The following MACROD2 variants were observed in gnomAD, a reference collection of about 807,000 sequenced individuals.
MACROD2 encodes ADP-ribose glycohydrolase MACROD2.
In MACROD2, 36 loss-of-function variants were observed where a neutral mutation model predicts 70.4. The observed-to-expected ratio is 0.51, with a 90% CI of 0.39 to 0.68. The LOEUF (loss-of-function observed/expected upper bound fraction) is 0.68, where lower values mean the gene tolerates loss of function less well. Among genes scored for constraint, MACROD2 ranks in the 30% least tolerant of loss-of-function variants. The pLI is 0.00. For synonymous variants in MACROD2, 172 were observed against 178.8 expected (o/e 0.96, Z 0.30); for missense variants, 496 against 538.4 (o/e 0.92, Z 0.78).
At chr20:14,378,325 CAGG>C (rs1265489381) in intron 3 of MACROD2, among the ~76,000 whole-genome samples, 1 of 152,140 alleles carries the variant, frequency 6.6e-6, no homozygotes, top group Non-Finnish European at 1.5e-5. Context: ...TCATGGTTTC[CAGG>C]CCCTCTGGGA....
chr20:15,045,719 GTT>G (rs71335981), intron 5 of MACROD2, among the ~76,000 whole-genome samples: 4,232 of 73,312 alleles, frequency 0.058, 164 homozygotes, highest in East Asian at 0.17. Context: ...CCAGACCAGG[GTT>G]TTTTTTTTTT....
At chr20:15,209,115 G>GTATTTATTTATTTATTTATT (rs56191744) in intron 5 of MACROD2, among the ~76,000 whole-genome samples, 10 of 147,074 alleles carry the variant, frequency 6.8e-5, no homozygotes, top group African/African-American at 1.5e-4. Context: ...GGTGGTGGTG[G>GTATTTATTTATTTATTTATT]TATTTATTTA....
intron 5 of MACROD2, among the ~76,000 whole-genome samples, chr20:15,199,011 T>C (rs867504159): frequency 0.028 from 4,175 of 150,024 alleles, 165 homozygotes; most frequent in African/African-American, 0.098. Context: ...GGACTTCTTT[T>C]TTTTTTTTTT....
chr20:14,802,418 C>T (rs976716078), intron 5 of MACROD2, among the ~76,000 whole-genome samples: 1 of 151,934 alleles, frequency 6.6e-6, no homozygotes, highest in African/African-American at 2.4e-5. Flanking sequence ...TAAATTTTCC[C>T]TTCTGCTATA....
chr20:15,056,627 G>A (rs1362337225), intron 5 of MACROD2, among the ~76,000 whole-genome samples: 1 of 151,684 alleles, frequency 6.6e-6, no homozygotes, highest in Non-Finnish European at 1.5e-5. Context: ...TGTAAATTTA[G>A]CTGTTTAAAA....
intron 3 of MACROD2, chr20:14,327,682 G>A (rs901581430): frequency 4.2e-6 from 3 of 712,700 alleles, no homozygotes; most frequent in Non-Finnish European, 6.5e-6. Context: ...TTTGTTTTGG[G>A]AGGGGGCATA....
chr20:14,699,445 A>AG (rs1406556840), intron 5 of MACROD2, among the ~76,000 whole-genome samples: 1 of 152,184 alleles, frequency 6.6e-6, no homozygotes, highest in Non-Finnish European at 1.5e-5. Flanking sequence ...ATAGAATGCT[A>AG]GGGACTTTGC....
At chr20:15,866,109 A>G (rs1432783811) in intron 9 of MACROD2, among the ~76,000 whole-genome samples, 1 of 152,226 alleles carries the variant, frequency 6.6e-6, no homozygotes, top group African/African-American at 2.4e-5. Flanking sequence ...AACTTATGTC[A>G]GGCCTAAGAA....
chr20:14,975,628 G>T (rs2074732435), intron 5 of MACROD2, among the ~76,000 whole-genome samples: 1 of 152,100 alleles, frequency 6.6e-6, no homozygotes, highest in Non-Finnish European at 1.5e-5. Flanking sequence ...TGCATGTGAT[G>T]GCCTTGTTCT....
chr20:14,699,231 C>G (rs550676553), intron 5 of MACROD2, among the ~76,000 whole-genome samples: 45 of 152,196 alleles, frequency 3.0e-4, no homozygotes, highest in African/African-American at 1.0e-3. Flanking sequence ...ATTGTTAAAT[C>G]TCATTAAAAT....
At chr20:14,641,141 A>G (rs1015789499) in intron 4 of MACROD2, among the ~76,000 whole-genome samples, 7 of 152,326 alleles carry the variant, frequency 4.6e-5, no homozygotes, top group South Asian at 2.1e-4. Flanking sequence ...AACATTGTTC[A>G]TAGCATCTTC....
At chr20:14,004,904 T>C (rs2052792466) in intron 2 of MACROD2, among the ~76,000 whole-genome samples, 1 of 152,170 alleles carries the variant, frequency 6.6e-6, no homozygotes, top group Non-Finnish European at 1.5e-5. Context: ...TAATATCTTA[T>C]CATTACTTAC....
chr20:14,732,698 G>T (rs972675296), intron 5 of MACROD2, among the ~76,000 whole-genome samples: 1 of 152,050 alleles, frequency 6.6e-6, no homozygotes, highest in Admixed American at 6.6e-5. Context: ...GCTCTGTGAA[G>T]AATTTTTTTT....
At chr20:15,398,094 T>G (rs1241901635) in intron 6 of MACROD2, among the ~76,000 whole-genome samples, 1 of 152,130 alleles carries the variant, frequency 6.6e-6, no homozygotes, top group Non-Finnish European at 1.5e-5. Context: ...AAATCCACAA[T>G]GTAGTAGTAA....
At chr20:14,053,804 A>G (rs1259816684) in intron 2 of MACROD2, 1 of 152,138 alleles carries the variant, frequency 6.6e-6, no homozygotes, top group Admixed American at 6.5e-5. Flanking sequence ...TGTGATGCGT[A>G]ATCATGATTT....
intron 15 of MACROD2, among the ~76,000 whole-genome samples, chr20:15,994,316 A>T (rs1312032814): frequency 1.3e-5 from 2 of 152,160 alleles, no homozygotes; most frequent in East Asian, 3.9e-4. Flanking sequence ...ATTATTTTAC[A>T]TATTATTAAT....
intron 5 of MACROD2, among the ~76,000 whole-genome samples, chr20:14,820,525 A>G (rs949683164): frequency 5.3e-5 from 8 of 152,006 alleles, no homozygotes; most frequent in Admixed American, 2.6e-4. Flanking sequence ...TCAAGAAAAG[A>G]GAAAAGACAA....
rs1160371782 is a variant in MACROD2 at position 14,862,711 on chromosome 20, A to T, written c.418+177752A>T. Among the ~76,000 whole-genome samples, 19 of 93,310 alleles carry T rather than the reference A, an allele frequency of 2.0e-4. 1 individual carries two copies. Among genetic ancestry groups the T allele is most frequent in the Admixed American group, 5.5e-4 (3 of 5,480 alleles). 61.2% of individuals were successfully genotyped at this position (93,310 alleles called of 152,430 possible). A position where few individuals can be genotyped will look rare whatever the true frequency, so the allele number is the denominator to read the frequency against. ...TATAAATATATATAAATATATATATATATATTTTTTTTTAATAGAGAGGAT... is the reference window on the plus strand; with the variant it reads ...TATAAATATATATAAATATATATATTTATATTTTTTTTTAATAGAGAGGAT... On this transcript the variant is annotated intron_variant, in intron 5 of 17. Coordinates refer to ENST00000684519, the MANE Select transcript of MACROD2 (RefSeq NM_001351661.2).
chr20:14,740,667 G>C (rs1027742464), intron 5 of MACROD2, among the ~76,000 whole-genome samples: 17 of 151,942 alleles, frequency 1.1e-4, no homozygotes, highest in African/African-American at 3.4e-4. Context: ...TTCATTTGAG[G>C]CTTCTTTATA....
Sources: allele counts gnomAD v4.1 joint callset (sites outside exome capture counted in the v4.1 genomes callset), GRCh38; gene constraint gnomAD v4.1.1; transcripts MANE v1.5; gene names NCBI Gene and HGNC (gene_info 2026-07-23, HGNC 2026-07-21).